ADGRL2: variants seen among roughly 807,000 people sequenced by gnomAD.
ADGRL2 encodes the protein calcium-independent alpha-latrotoxin receptor 2.
In ADGRL2, 44 loss-of-function variants were observed where a neutral mutation model predicts 157.4. That is an observed-to-expected ratio of 0.28 (90% CI 0.22 to 0.36). The LOEUF (loss-of-function observed/expected upper bound fraction) is 0.36, where lower values mean the gene tolerates loss of function less well. ADGRL2 is among the 10% of genes least tolerant of loss of function. ADGRL2 has a pLI of 1.00. For synonymous variants in ADGRL2, 585 were observed against 624.7 expected (o/e 0.94, Z 0.95); for missense variants, 1,510 against 1,768.9 (o/e 0.85, Z 2.63).
intron 1 of ADGRL2, among the ~76,000 whole-genome samples, chr1:81,388,331 G>A (rs978168872): frequency 1.3e-5 from 2 of 152,050 alleles, no homozygotes; most frequent in Non-Finnish European, 2.9e-5. Flanking sequence ...ATTCCTAGAG[G>A]CACTAATTGT....
intron 2 of ADGRL2, among the ~76,000 whole-genome samples, chr1:81,524,724 A>T (rs2079411640): frequency 1.3e-5 from 2 of 152,156 alleles, no homozygotes; most frequent in Admixed American, 1.3e-4. Flanking sequence ...AGCATGCTAC[A>T]TTTATGTTTT....
chr1:81,634,247 TA>T (rs2082071010), intron 3 of ADGRL2, among the ~76,000 whole-genome samples: 1 of 152,194 alleles, frequency 6.6e-6, no homozygotes, highest in African/African-American at 2.4e-5. Context: ...CCCAGACTAC[TA>T]CAAAAGCTTC....
chr1:81,439,572 G>A (rs918097728), intron 1 of ADGRL2, among the ~76,000 whole-genome samples: 1 of 152,228 alleles, frequency 6.6e-6, no homozygotes, highest in East Asian at 1.9e-4. Flanking sequence ...TGGCCACTCT[G>A]GGTGTCGACA....
At chr1:81,737,085 C>T (rs1024337630) in intron 1 of ADGRL2, among the ~76,000 whole-genome samples, 8 of 152,198 alleles carry the variant, frequency 5.3e-5, no homozygotes, top group East Asian at 3.9e-4. Context: ...CCACCTGCCT[C>T]GGCCTCCCAA....
In ADGRL2 at chr1:81,426,725, GCAA is replaced by G. The variant is rs150975041; in HGVS notation, c.-301-18305_-301-18303del. ...TTACTCTTGTGTTGAAGAGGTGGAT[GCAA>G]CAACATGTGCTCAACCACACAGGTT... On this transcript the variant is annotated intron_variant, in intron 1 of 24. Coordinates refer to the ADGRL2 transcript ENST00000370721. The G allele has an allele frequency of 7.7e-3, 3,622 of 470,316 alleles. 56 individuals carry two copies. Among genetic ancestry groups the G allele is most frequent in the East Asian group, 0.049 (908 of 18,476 alleles). 29.1% of individuals were successfully genotyped at this position (470,316 alleles called of 1,614,324 possible).
At chr1:81,469,836 C>T (rs947967320) in intron 2 of ADGRL2, among the ~76,000 whole-genome samples, 2 of 152,172 alleles carry the variant, frequency 1.3e-5, no homozygotes, top group Non-Finnish European at 2.9e-5. Context: ...ATGAACACCT[C>T]GTCAGTGTGC....
At chr1:81,569,726 C>T (rs1444432904) in intron 2 of ADGRL2, among the ~76,000 whole-genome samples, 1 of 152,146 alleles carries the variant, frequency 6.6e-6, no homozygotes, top group Non-Finnish European at 1.5e-5. Flanking sequence ...GAGAGGATTG[C>T]TTAAGTCTGT....
At chr1:81,673,059 A>G (rs1408096783) in intron 3 of ADGRL2, among the ~76,000 whole-genome samples, 5 of 152,222 alleles carry the variant, frequency 3.3e-5, no homozygotes, top group Admixed American at 2.6e-4. Context: ...TCATTTGATC[A>G]AGTGACTTTT....
At chr1:81,414,200 C>T (rs968573067) in intron 1 of ADGRL2, 4 of 152,098 alleles carry the variant, frequency 2.6e-5, no homozygotes, top group Non-Finnish European at 4.4e-5. Flanking sequence ...CCTTTAACTC[C>T]TGAAGACAGT....
At chr1:81,334,332 A>T (rs891162551) in intron 1 of ADGRL2, among the ~76,000 whole-genome samples, 1 of 151,968 alleles carries the variant, frequency 6.6e-6, no homozygotes, top group Non-Finnish European at 1.5e-5. Flanking sequence ...TTTTTCAGAT[A>T]AACAAACTCT....
intron 1 of ADGRL2, among the ~76,000 whole-genome samples, chr1:81,433,869 G>T (rs988638798): frequency 3.3e-5 from 5 of 152,104 alleles, no homozygotes; most frequent in Non-Finnish European, 7.4e-5. Flanking sequence ...AGGCTTCAGG[G>T]GACTGGCCCC....
chr1:81,458,773 G>C (rs146102326), intron 2 of ADGRL2, among the ~76,000 whole-genome samples: 38 of 152,292 alleles, frequency 2.5e-4, no homozygotes, highest in African/African-American at 8.7e-4. Flanking sequence ...CTTTTGCTCG[G>C]GGAGTCCTGA....
chr1:81,869,799 T>A (rs957088534), intron 2 of ADGRL2, among the ~76,000 whole-genome samples: 1 of 152,092 alleles, frequency 6.6e-6, no homozygotes, highest in Non-Finnish European at 1.5e-5. Context: ...AAGTTTTTTT[T>A]AATTAAAATT....
chr1:81,756,189 A>G (rs751790045), intron 1 of ADGRL2, among the ~76,000 whole-genome samples: 1 of 151,928 alleles, frequency 6.6e-6, no homozygotes, highest in African/African-American at 2.4e-5. Flanking sequence ...CTACTTTCTA[A>G]CTCTCATCCA....
At chr1:81,973,065 A>G (rs554304964) in intron 17 of ADGRL2, among the ~76,000 whole-genome samples, 2 of 152,192 alleles carry the variant, frequency 1.3e-5, no homozygotes, top group South Asian at 2.1e-4. Flanking sequence ...GGATCTTTTC[A>G]TGGTTAAGCA....
chr1:81,473,166 G>A (rs79832604), intron 2 of ADGRL2, among the ~76,000 whole-genome samples: 7,361 of 152,150 alleles, frequency 0.048, 232 homozygotes, highest in Admixed American at 0.087. Flanking sequence ...CAGAGGGGAT[G>A]GTGTGATCGG....
At chr1:81,803,043 A>T (rs2088524399) in intron 1 of ADGRL2, among the ~76,000 whole-genome samples, 1 of 152,074 alleles carries the variant, frequency 6.6e-6, no homozygotes, top group Non-Finnish European at 1.5e-5. Context: ...AGAGGGCAGC[A>T]GCGGGCCGCG....
intron 2 of ADGRL2, among the ~76,000 whole-genome samples, chr1:81,543,014 T>C (rs1356395702): frequency 6.6e-6 from 1 of 152,106 alleles, no homozygotes; most frequent in Non-Finnish European, 1.5e-5. Flanking sequence ...CTTGCTTTTT[T>C]TTTTTTTTGG....
At position 81,984,728 on chromosome 1, in the gene ADGRL2, C is replaced by T. The variant is rs201904802; in HGVS notation, c.3411+17C>T. ...GGCACACAGGTAACAAAGAGTTTGA[C>T]AGCATCTTTAATTAACCTTATTTAT... On this transcript the variant is annotated intron_variant, in intron 20 of 23. Coordinates refer to ENST00000686636, the MANE Select transcript of ADGRL2 (RefSeq NM_001366006.2). The T allele has an allele frequency of 3.1e-6, 5 of 1,611,310 alleles. No individual in the cohort carries two copies. Among genetic ancestry groups the T allele is most frequent in the African/African-American group, 1.3e-5 (1 of 74,782 alleles).
Sources: gnomAD v4.1 joint callset for allele counts (sites outside exome capture counted in the v4.1 genomes callset) on GRCh38, gnomAD v4.1.1 for gene constraint, MANE v1.5 for transcripts, NCBI Gene and HGNC (gene_info 2026-07-23, HGNC 2026-07-21) for gene names.